CCDC82: variants seen among roughly 807,000 people sequenced by gnomAD.
CCDC82 encodes the protein coiled-coil domain-containing protein 82.
Under a neutral mutation model 60.6 loss-of-function variants are expected in CCDC82, and 47 were observed. The ratio of observed to expected loss-of-function variants is 0.77; its 90% confidence interval spans 0.61 to 0.99. The LOEUF (loss-of-function observed/expected upper bound fraction) is 0.99. CCDC82 is among the 50% of genes least tolerant of loss of function. The probability of loss-of-function intolerance (pLI) is 0.00; values close to 1 mark genes in which losing one functional copy is unlikely to be tolerated. For synonymous variants in CCDC82, 212 were observed against 207.4 expected (o/e 1.02, Z -0.19); for missense variants, 588 against 633.0 (o/e 0.93, Z 0.76).
At chr11:96,357,479 G>T (rs987168704) in intron 9 of CCDC82, 29 of 984,858 alleles carry the variant, frequency 2.9e-5, no homozygotes, top group Non-Finnish European at 3.5e-5. Flanking sequence ...AATGCCAAGT[G>T]TTATGCATAA....
At chr11:96,379,213 G>A (rs1010108838) in intron 5 of CCDC82, among the ~76,000 whole-genome samples, 2 of 151,804 alleles carry the variant, frequency 1.3e-5, no homozygotes, top group Non-Finnish European at 1.5e-5. Flanking sequence ...ATTTTCAAAT[G>A]CAATTTTTAG....
chr11:96,380,637 T>C (rs1865827090), intron 5 of CCDC82: 2 of 151,808 alleles, frequency 1.3e-5, no homozygotes, highest in South Asian at 4.1e-4. Context: ...ATCCATACAA[T>C]GAAAAATATT....
At chr11:96,364,893 G>T in intron 8 of CCDC82, 87 bp downstream of exon 8, 1 of 1,253,228 alleles carries the variant, frequency 8.0e-7, no homozygotes, top group Non-Finnish European at 1.1e-6. Flanking sequence ...TTTCCACTTG[G>T]GTCAAATTTT....
chr11:96,358,661 T>C, intron 9 of CCDC82: 1 of 1,231,002 alleles, frequency 8.1e-7, no homozygotes, highest in Non-Finnish European at 1.0e-6. Flanking sequence ...AGTCCTATAC[T>C]CTGTCAAAAA....
At position 96,383,973 on chromosome 11, in the gene CCDC82, T is replaced by A; in HGVS notation, c.775A>T (p.Arg259Ter). ...QRSRQRRSSGRDFEDSEKESC... is the reference protein window; with the variant it reads ...QRSRQRRSSG Reference sequence around the variant, plus strand: ...AAAATATAACACACCTCAAAATCTCTACCACTACTGCGTCTCTGACGAGAT... The same window carrying A: ...AAAATATAACACACCTCAAAATCTCAACCACTACTGCGTCTCTGACGAGAT... The change falls in exon 4 of 10, where the codon AGA becomes TGA. Residue 259 changes from arginine to a stop codon, truncating the protein, a stop_gained. Transcript: ENST00000646818. LOFTEE classifies it high-confidence loss of function. 6.2e-7 allele frequency: 1 copy of A among 1,608,946 alleles called. No individual in the cohort carries two copies. Among genetic ancestry groups the A allele is most frequent in the Non-Finnish European group, 8.5e-7 (1 of 1,177,994 alleles).
chr11:96,371,937 C>T (rs1035528317), intron 6 of CCDC82, among the ~76,000 whole-genome samples: 1 of 152,192 alleles, frequency 6.6e-6, no homozygotes, highest in African/African-American at 2.4e-5. Flanking sequence ...GCTTTATTTT[C>T]TTGCCTTATT....
intron 5 of CCDC82, among the ~76,000 whole-genome samples, chr11:96,377,123 T>G (rs1490570701): frequency 1.3e-5 from 2 of 152,226 alleles, no homozygotes; most frequent in Non-Finnish European, 2.9e-5. Context: ...TACTTTCTTC[T>G]GGAATGGAGA....
intron 7 of CCDC82, among the ~76,000 whole-genome samples, chr11:96,365,861 A>C (rs1417071202): frequency 6.6e-6 from 1 of 151,740 alleles, no homozygotes; most frequent in East Asian, 1.9e-4. Flanking sequence ...TTAGGTTTTA[A>C]TACAATATTT....
chr11:96,370,882 G>T, intron 7 of CCDC82, 131 bp downstream of exon 7: 1 of 728,152 alleles, frequency 1.4e-6, no homozygotes, highest in Non-Finnish European at 2.0e-6. Flanking sequence ...TAGAAGATGT[G>T]AGAAATAATA....
At chr11:96,363,385 CT>C (rs1864773195) in intron 8 of CCDC82, 2 of 152,120 alleles carry the variant, frequency 1.3e-5, no homozygotes, top group Non-Finnish European at 2.9e-5. Context: ...TCATTCTTCA[CT>C]TTAAAGAAAA....
intron 5 of CCDC82, chr11:96,382,383 T>C (rs1256274056): frequency 6.6e-6 from 1 of 151,820 alleles, no homozygotes; most frequent in Non-Finnish European, 1.5e-5. Flanking sequence ...TGTGCTATTC[T>C]GAGCCTGACG....
At chr11:96,386,796 T>C (rs1448867951) in intron 2 of CCDC82, 2 of 152,222 alleles carry the variant, frequency 1.3e-5, no homozygotes, top group African/African-American at 2.4e-5. Context: ...TTGGGTTGCA[T>C]CTTACAAAAG....
chr11:96,359,381 A>G lies in CCDC82; in HGVS notation c.1381-203T>C, dbSNP rs182233354. Reference sequence around the variant, plus strand: ...ACATTGGGCTAGGCACTAGAGATATATAAATAAAATACCTATTACCGGTAT... The same window carrying G: ...ACATTGGGCTAGGCACTAGAGATATGTAAATAAAATACCTATTACCGGTAT... On this transcript the variant is annotated intron_variant, in intron 8 of 9. Transcript: ENST00000646818. The G allele has an allele frequency of 8.1e-4, 376 of 464,052 alleles. 7 individuals carry two copies. In the East Asian group the frequency reaches 0.015, roughly 18 times the overall value. 28.7% of individuals were successfully genotyped at this position (464,052 alleles called of 1,614,324 possible). A position where few individuals can be genotyped will look rare whatever the true frequency, so the allele number is the denominator to read the frequency against.
chr11:96,375,487 G>A (rs1271040655), intron 5 of CCDC82, among the ~76,000 whole-genome samples: 5 of 152,124 alleles, frequency 3.3e-5, no homozygotes, highest in Non-Finnish European at 4.4e-5. Context: ...GTGGGTTAAT[G>A]CTCCTGGAAT....
rs200083008 is a variant in CCDC82 at position 96,384,277 on chromosome 11, A to G, written c.471T>C (p.Asp157=). ...DDQEKHLSQE[D]NDLNKQTGQI... ...GTCCAGTTTGTTTGTTGAGATCATT[A>G]TCCTCTTGACTTAAATGTTTTTCCT... The change falls in exon 4 of 10, where the codon GAT becomes GAC. Residue 157 remains aspartate (D), a synonymous_variant. Coordinates refer to ENST00000646818, the MANE Select transcript of CCDC82 (RefSeq NM_024725.4). 2 of 1,613,526 alleles carry G rather than the reference A, an allele frequency of 1.2e-6. No individual in the cohort carries two copies. The highest frequency in any genetic ancestry group is 2.7e-5 in the African/African-American group (2 of 74,926).
Position 96,384,360 on chromosome 11 carries a change from A to C in CCDC82, c.388T>G (p.Leu130Val), listed in dbSNP as rs773453775. ...NIDLQDQEKH[L>V]SQEDNDLNKQ... is the part of the protein sequence containing the mutation. Reference sequence around the variant, plus strand: ...TTGAGATCATTATCCTCTTGACTTAAATGTTTTTCCTGATCTTGTAAGTCA... The same window carrying C: ...TTGAGATCATTATCCTCTTGACTTACATGTTTTTCCTGATCTTGTAAGTCA... The change falls in exon 4 of 10, where the codon TTA becomes GTA. Residue 130 changes from leucine (L) to valine (V), a missense_variant. Transcript: ENST00000646818. 1 of 1,613,646 alleles carries C rather than the reference A, an allele frequency of 6.2e-7. No homozygotes were observed. The highest frequency in any genetic ancestry group is 1.3e-5 in the African/African-American group (1 of 74,882).
At chr11:96,382,505 C>T (rs1299305730) in intron 5 of CCDC82, 1 of 151,596 alleles carries the variant, frequency 6.6e-6, no homozygotes, top group African/African-American at 2.4e-5. Context: ...TCTGTATCAT[C>T]CAGTGAACCA....
chr11:96,377,520 C>T (rs1283867394), intron 5 of CCDC82, among the ~76,000 whole-genome samples: 1 of 152,042 alleles, frequency 6.6e-6, no homozygotes, highest in Non-Finnish European at 1.5e-5. Context: ...ATGCTGTTGT[C>T]TCTTGGTTTA....
chr11:96,360,980 A>C (rs1412260684), intron 8 of CCDC82, among the ~76,000 whole-genome samples: 2 of 152,248 alleles, frequency 1.3e-5, no homozygotes, highest in Non-Finnish European at 2.9e-5. Context: ...GATCATTAGA[A>C]GTAAACAGGT....
Sources: allele counts gnomAD v4.1 joint callset (sites outside exome capture counted in the v4.1 genomes callset), GRCh38; gene constraint gnomAD v4.1.1; transcripts MANE v1.5; gene names NCBI Gene and HGNC (gene_info 2026-07-23, HGNC 2026-07-21).